AMOTL1: variants seen among roughly 807,000 people sequenced by gnomAD.
AMOTL1 encodes angiomotin like 1, also known as angiomotin-like protein 1.
AMOTL1 carries 45 observed loss-of-function variants against 102.9 expected under a neutral mutation model. The ratio of observed to expected loss-of-function variants is 0.44; its 90% CI spans 0.34 to 0.56. AMOTL1 has a LOEUF of 0.56. AMOTL1 is among the 20% of genes least tolerant of loss of function. The probability of loss-of-function intolerance (pLI) is 0.01; values close to 1 mark genes in which losing one functional copy is unlikely to be tolerated. For synonymous variants in AMOTL1, 481 were observed against 484.7 expected, an observed-to-expected ratio of 0.99 and a Z score of 0.10; for missense variants, 1,114 against 1,225.6, an observed-to-expected ratio of 0.91 and a Z score of 1.36.
Position 94,830,206 on chromosome 11 carries a change from C to G in AMOTL1, c.1558+12C>G. ...CAGAGACCTCCGAGGCAGGTTTATTCATGTTCTCTCTATCTAAACTACCTG... is the reference window on the plus strand; with the variant it reads ...CAGAGACCTCCGAGGCAGGTTTATTGATGTTCTCTCTATCTAAACTACCTG... On this transcript the variant is annotated intron_variant, in intron 5 of 12. Transcript: ENST00000433060. 1 of 1,588,488 alleles carries G rather than the reference C, an allele frequency of 6.3e-7. No homozygotes were observed. The highest frequency in any genetic ancestry group is 1.2e-5 in the South Asian group (1 of 85,268).
At chr11:94,812,303 A>G (rs1331258033) in intron 3 of AMOTL1, among the ~76,000 whole-genome samples, 1 of 152,146 alleles carries the variant, frequency 6.6e-6, no homozygotes, top group Non-Finnish European at 1.5e-5. Context: ...TGTAAGGTGT[A>G]TATTGGTTTG....
chr11:94,834,448 G>A lies in AMOTL1; in HGVS notation c.1648+2907G>A, dbSNP rs577621639. On this transcript the variant is annotated intron_variant, in intron 6 of 12. Transcript: ENST00000433060. ...TAAAAATACAAAAAATTAGCTGGGC[G>A]TGATGGTGGGCGCCTGTAGTCCCAG... is the stretch of plus-strand genomic sequence containing the variant. Among the ~76,000 whole-genome samples the A allele has an allele frequency of 3.3e-5, 5 of 152,262 alleles. No individual in the cohort carries two copies. In the East Asian group the frequency reaches 9.7e-4, roughly 30 times the overall value.
intron 3 of AMOTL1, among the ~76,000 whole-genome samples, chr11:94,760,189 A>G (rs1439390680): frequency 6.6e-6 from 1 of 152,224 alleles, no homozygotes; most frequent in African/African-American, 2.4e-5. Context: ...AGATATTGTA[A>G]TCAAATACAT....
At chr11:94,851,439 G>A (rs1055268374) in intron 7 of AMOTL1, among the ~76,000 whole-genome samples, 3 of 152,048 alleles carry the variant, frequency 2.0e-5, no homozygotes, top group African/African-American at 7.3e-5. Flanking sequence ...GAAATCTTTG[G>A]TTGGTTGAAT....
chr11:94,799,393 A>G lies in AMOTL1; in HGVS notation c.203A>G (p.Glu68Gly), dbSNP rs534239857. The change falls in exon 3 of 13, where the codon GAA becomes GGA. Residue 68 changes from glutamate (E) to glycine (G), a missense_variant. Transcript: ENST00000433060. This position sits in a 1 kb window ranked among gnomAD's most constrained non-coding sequence, Gnocchi z 4.5. Reference sequence around the variant, plus strand: ...TTTTCCTATGTTTATCTTTTAGTTGAAGATCCTCTTTGTAACTTCCACTCC... The same window carrying G: ...TTTTCCTATGTTTATCTTTTAGTTGGAGATCCTCTTTGTAACTTCCACTCC... ...ATSSIREKVV[E>G]DPLCNFHSPN... The G allele has an allele frequency of 6.4e-7, 1 of 1,560,746 alleles. No homozygotes were observed. The highest frequency in any genetic ancestry group is 1.2e-5 in the South Asian group (1 of 84,894).
Position 94,801,747 on chromosome 11 carries a change from C to T in AMOTL1, c.1121+1436C>T, listed in dbSNP as rs905173134. Among the ~76,000 whole-genome samples, 4 of 152,164 alleles carry T rather than the reference C, an allele frequency of 2.6e-5. No individual in the cohort carries two copies. In the South Asian group the frequency reaches 6.3e-4, roughly 24 times the overall value. On this transcript the variant is annotated intron_variant, in intron 3 of 12. Transcript: ENST00000433060. ...AGGGATGATGGAAATAAGGGAATTA[C>T]GAATCAAACTCTCAGGAGAGAAATT...
At position 94,769,140 on chromosome 11, in the gene AMOTL1, C is replaced by G. The variant is rs544448938; in HGVS notation, c.49+580C>G. On this transcript the variant is annotated intron_variant, in intron 1 of 12. Transcript: ENST00000433060. Reference sequence around the variant, plus strand: ...TGCTGCTCCTTCTTTGTTCTCTCCCCAGACAAGTTTCTTTGACAAACTGGA... The same window carrying G: ...TGCTGCTCCTTCTTTGTTCTCTCCCGAGACAAGTTTCTTTGACAAACTGGA... 1.1e-4 allele frequency among the ~76,000 whole-genome samples: 16 copies of G among 152,370 alleles called. No individual in the cohort carries two copies. In the South Asian group the frequency reaches 2.7e-3, roughly 26 times the overall value.
intron 2 of AMOTL1, among the ~76,000 whole-genome samples, chr11:94,739,210 A>G (rs1950483181): frequency 6.6e-6 from 1 of 152,188 alleles, no homozygotes; most frequent in African/African-American, 2.4e-5. Flanking sequence ...CTGAGGATAT[A>G]TAGATTTTGC....
chr11:94,826,300 T>G (rs2399963), intron 4 of AMOTL1, among the ~76,000 whole-genome samples: 1 of 151,984 alleles, frequency 6.6e-6, no homozygotes, highest in South Asian at 2.1e-4. Context: ...AAAAGCAAAA[T>G]CAAAAAAACC....
Position 94,871,948 on chromosome 11 carries a change from C to A in AMOTL1, c.*1153C>A, listed in dbSNP as rs978753344. Reference sequence around the variant, plus strand: ...TCCCGTATAGCTTCTTGTATTGAGGCTCATGAGCGTATTCACACTCTTTCC... The same window carrying A: ...TCCCGTATAGCTTCTTGTATTGAGGATCATGAGCGTATTCACACTCTTTCC... On this transcript the variant is annotated 3_prime_UTR_variant, in exon 13 of 13. Coordinates refer to ENST00000433060, the MANE Select transcript of AMOTL1 (RefSeq NM_130847.3). The A allele has an allele frequency of 6.6e-6, 1 of 151,390 alleles. No homozygotes were observed. Among genetic ancestry groups the A allele is most frequent in the Admixed American group, 6.6e-5 (1 of 15,222 alleles). The allele number at this position is 151,390 out of a possible 1,614,324, so 9.4% of individuals were successfully genotyped here.
chr11:94,748,077 T>C (rs1194678168), intron 3 of AMOTL1, among the ~76,000 whole-genome samples: 1 of 152,202 alleles, frequency 6.6e-6, no homozygotes, highest in African/African-American at 2.4e-5. Context: ...TGACTGAGCC[T>C]CATTTGGGCC....
intron 8 of AMOTL1, among the ~76,000 whole-genome samples, chr11:94,856,510 A>G (rs1384557994): frequency 6.6e-6 from 1 of 152,082 alleles, no homozygotes; most frequent in Non-Finnish European, 1.5e-5. Flanking sequence ...ACTTGAGAAC[A>G]TGGGGTCATC....
At chr11:94,801,607 G>T (rs1206703559) in intron 3 of AMOTL1, among the ~76,000 whole-genome samples, 1 of 152,116 alleles carries the variant, frequency 6.6e-6, no homozygotes, top group Non-Finnish European at 1.5e-5. Flanking sequence ...GATCAGAATT[G>T]GTGAGGGTGG....
upstream of AMOTL1, among the ~76,000 whole-genome samples, chr11:94,765,528 A>C (rs1307348825): frequency 6.6e-6 from 1 of 152,216 alleles, no homozygotes; most frequent in African/African-American, 2.4e-5. Flanking sequence ...ATTAAGGCAC[A>C]GGAGGGAAAC....
At chr11:94,848,713 C>A (rs1952470229) in intron 6 of AMOTL1, among the ~76,000 whole-genome samples, 1 of 152,152 alleles carries the variant, frequency 6.6e-6, no homozygotes, top group South Asian at 2.1e-4. Context: ...TTGATGTTTC[C>A]TGTGATCCTT....
At chr11:94,866,728 G>C (rs1411261830) in intron 11 of AMOTL1, 2 of 162,744 alleles carry the variant, frequency 1.2e-5, no homozygotes, top group African/African-American at 2.5e-5. Context: ...ATGGGATAAT[G>C]GGGGGAGGAC....
rs115158469 is a variant in AMOTL1, at chr11:94,737,163, T to G, written c.86-3775T>G. Among the ~76,000 whole-genome samples the G allele has an allele frequency of 8.2e-3, 1,252 of 152,294 alleles. 20 individuals are homozygous for G. Among genetic ancestry groups the G allele is most frequent in the African/African-American group, 0.029 (1,187 of 41,554 alleles). ...GAACAAATTGAAGGCAAGTCCATTGTGAGAACAGTTTGGCAGGCTCCAGAA... is the reference window on the plus strand; with the variant it reads ...GAACAAATTGAAGGCAAGTCCATTGGGAGAACAGTTTGGCAGGCTCCAGAA... On this transcript the variant is annotated intron_variant, in intron 2 of 4. Transcript: ENST00000299004.
intron 2 of AMOTL1, chr11:94,796,962 G>GTT: frequency 1.0e-6 from 1 of 985,080 alleles, no homozygotes; most frequent in Non-Finnish European, 1.2e-6. Flanking sequence ...TCATTTCACT[G>GTT]TAGACTGAGA....
chr11:94,714,950 G>A (rs1011513793), intron 1 of AMOTL1, among the ~76,000 whole-genome samples: 3 of 151,946 alleles, frequency 2.0e-5, no homozygotes, highest in African/African-American at 7.2e-5. Context: ...TCTTGAGCTA[G>A]CGACTTAAAT....
Sources: allele counts gnomAD v4.1 joint callset (sites outside exome capture counted in the v4.1 genomes callset), GRCh38; gene constraint gnomAD v4.1.1; non-coding constraint Gnocchi (gnomAD v3.1); transcripts MANE v1.5; gene names NCBI Gene and HGNC (gene_info 2026-07-23, HGNC 2026-07-21).